The following TGFB2 variants were observed in gnomAD, a reference collection of about 807,000 sequenced individuals.
The protein encoded by TGFB2 is transforming growth factor beta-2 proprotein.
TGFB2 carries 13 observed loss-of-function variants against 42.7 expected under a neutral mutation model. The ratio of observed to expected loss-of-function variants is 0.30; its 90% CI spans 0.20 to 0.48. The LOEUF is 0.48. Among genes scored for constraint, TGFB2 ranks in the 20% least tolerant of loss-of-function variants. TGFB2 has a pLI of 0.99. For missense variants in TGFB2, 390 were observed against 517.5 expected, an observed-to-expected ratio of 0.75 and a Z score of 2.39; for synonymous variants, 193 against 193.6, an observed-to-expected ratio of 1.00 and a Z score of 0.03.
At chr1:218,405,899 G>T (rs768122293) in intron 2 of TGFB2, among the ~76,000 whole-genome samples, 10 of 152,124 alleles carry the variant, frequency 6.6e-5, no homozygotes, top group Non-Finnish European at 8.8e-5. Flanking sequence ...TGCATGAACA[G>T]CTGGAGTATG....
At chr1:218,435,513 G>A (rs1235264846) in intron 4 of TGFB2, among the ~76,000 whole-genome samples, 1 of 152,202 alleles carries the variant, frequency 6.6e-6, no homozygotes, top group East Asian at 1.9e-4. Flanking sequence ...ATTCAGTTAA[G>A]TCTCAGTTTA....
Position 218,437,320 on chromosome 1 carries a change from C to CTTTT in TGFB2, c.933-9_933-6dup. ...TGAATCAGCTTTAAAATCTCCATTG[C>CTTTT]TTTTTTTTTTTTTTTTTAACAGAAA... is the stretch of plus-strand genomic sequence containing the variant. On this transcript the variant is annotated intron_variant, in intron 5 of 6. Transcript: ENST00000366930. 10 of 1,430,310 alleles carry CTTTT rather than the reference C, an allele frequency of 7.0e-6. No individual in the cohort carries two copies. The African/African-American group carries it at 7.7e-5, about 11-fold the overall frequency. The allele number at this position is 1,430,310 out of a possible 1,614,324, so 88.6% of individuals were successfully genotyped here.
At chr1:218,394,801 G>A (rs1658443701) in intron 1 of TGFB2, among the ~76,000 whole-genome samples, 1 of 152,152 alleles carries the variant, frequency 6.6e-6, no homozygotes, top group South Asian at 2.1e-4. Context: ...ATGTGGTAGT[G>A]AAATAAAATC....
chr1:218,393,253 A>C (rs746327729), intron 1 of TGFB2, among the ~76,000 whole-genome samples: 1 of 152,226 alleles, frequency 6.6e-6, no homozygotes, highest in Non-Finnish European at 1.5e-5. Flanking sequence ...GGGATGAGCA[A>C]GAATGTCCAA....
chr1:218,362,704 T>C (rs990394566), intron 1 of TGFB2, among the ~76,000 whole-genome samples: 1 of 152,176 alleles, frequency 6.6e-6, no homozygotes, highest in Non-Finnish European at 1.5e-5. Flanking sequence ...AAAATACAAA[T>C]TGGGTTGCTG....
intron 6 of TGFB2, 146 bp downstream of exon 6, chr1:218,437,642 G>C: frequency 1.1e-6 from 1 of 876,972 alleles, no homozygotes; most frequent in Non-Finnish European, 1.6e-6. Context: ...CATTAGGTTG[G>C]TGCAAAAGTA....
intron 1 of TGFB2, among the ~76,000 whole-genome samples, chr1:218,360,938 T>C (rs1251501809): frequency 2.0e-5 from 3 of 152,152 alleles, no homozygotes; most frequent in Non-Finnish European, 4.4e-5. Flanking sequence ...TACTGCAACC[T>C]CCGCCTCCTG....
At chr1:218,389,366 C>T (rs12405215) in intron 1 of TGFB2, among the ~76,000 whole-genome samples, 6,952 of 152,234 alleles carry the variant, frequency 0.046, 187 homozygotes, top group East Asian at 0.14. Flanking sequence ...GATTCAGTAT[C>T]TGTGCTTGTG....
chr1:218,362,494 T>C (rs1212200106), intron 1 of TGFB2, among the ~76,000 whole-genome samples: 1 of 152,222 alleles, frequency 6.6e-6, no homozygotes, highest in Non-Finnish European at 1.5e-5. Flanking sequence ...TGCCTCATCT[T>C]ACAGACTTCT....
intron 1 of TGFB2, among the ~76,000 whole-genome samples, chr1:218,381,387 G>C (rs959890367): frequency 6.6e-6 from 1 of 151,698 alleles, no homozygotes; most frequent in Non-Finnish European, 1.5e-5. Flanking sequence ...TCCTGAGTAG[G>C]TGGGACTACA....
intron 2 of TGFB2, among the ~76,000 whole-genome samples, chr1:218,429,170 G>A (rs1175079231): frequency 2.6e-5 from 4 of 151,802 alleles, no homozygotes; most frequent in African/African-American, 9.7e-5. Flanking sequence ...TAATAGAGAC[G>A]GGGTTTCACC....
chr1:218,372,243 C>A (rs1306275747), intron 1 of TGFB2, among the ~76,000 whole-genome samples: 1 of 152,202 alleles, frequency 6.6e-6, no homozygotes. Context: ...GATGCAACTG[C>A]TGGAGCTGTT....
intron 2 of TGFB2, among the ~76,000 whole-genome samples, chr1:218,406,592 C>G (rs922431883): frequency 1.3e-5 from 2 of 152,184 alleles, no homozygotes; most frequent in Non-Finnish European, 2.9e-5. Context: ...AATAGTGGTA[C>G]TTGCATATAG....
At chr1:218,398,104 T>C (rs1658584875) in intron 1 of TGFB2, among the ~76,000 whole-genome samples, 1 of 152,232 alleles carries the variant, frequency 6.6e-6, no homozygotes, top group Non-Finnish European at 1.5e-5. Flanking sequence ...TTTTAATTGT[T>C]AACTAGGACT....
chr1:218,370,303 T>C (rs1657529612), intron 1 of TGFB2, among the ~76,000 whole-genome samples: 1 of 152,176 alleles, frequency 6.6e-6, no homozygotes, highest in Non-Finnish European at 1.5e-5. Context: ...GAAAACTGCT[T>C]ATGTTTTCTG....
chr1:218,400,204 G>A lies in TGFB2; in HGVS notation c.347-4965G>A, dbSNP rs542541197. Among the ~76,000 whole-genome samples the A allele has an allele frequency of 6.7e-4, 101 of 151,878 alleles. 1 individual carries two copies. Among genetic ancestry groups the A allele is most frequent in the Non-Finnish European group, 6.9e-4 (47 of 67,932 alleles). On this transcript the variant is annotated intron_variant, in intron 1 of 6. Transcript: ENST00000366930. ...GAATCCTTTTTCAATATGAAAATAT[G>A]GGGTCTCTTGTTCAAAAAAAAAAAG...
In TGFB2 at chr1:218,423,965, C is replaced by G. The variant is rs538124468; in HGVS notation, c.511-10117C>G. 6.6e-5 allele frequency among the ~76,000 whole-genome samples: 10 copies of G among 152,362 alleles called. No homozygotes were observed. The South Asian group carries it at 2.1e-3, about 32-fold the overall frequency. ...ACTCCAAAGCCTCTGCACCTTTTCGCTACGCTAATGATTTTCAAAGGCACT... is the reference window on the plus strand; with the variant it reads ...ACTCCAAAGCCTCTGCACCTTTTCGGTACGCTAATGATTTTCAAAGGCACT... On this transcript the variant is annotated intron_variant, in intron 2 of 6. Coordinates refer to ENST00000366930, the MANE Select transcript of TGFB2 (RefSeq NM_003238.6).
chr1:218,410,110 G>A (rs1659047603), intron 2 of TGFB2, among the ~76,000 whole-genome samples: 1 of 152,226 alleles, frequency 6.6e-6, no homozygotes, highest in African/African-American at 2.4e-5. Context: ...CTCTCCTGGT[G>A]ACTCACATGT....
intron 2 of TGFB2, among the ~76,000 whole-genome samples, chr1:218,411,508 T>C (rs1659096817): frequency 1.3e-5 from 2 of 151,902 alleles, no homozygotes; most frequent in South Asian, 2.1e-4. Flanking sequence ...CCCAGAAGAG[T>C]AGTCTTGTTT....
Sources: gnomAD v4.1 joint callset for allele counts (sites outside exome capture counted in the v4.1 genomes callset) on GRCh38, gnomAD v4.1.1 for gene constraint, MANE v1.5 for transcripts, NCBI Gene and HGNC (gene_info 2026-07-23, HGNC 2026-07-21) for gene names.